The following SUMF1 variants were observed in gnomAD, a reference collection of about 807,000 sequenced individuals.
SUMF1 encodes sulfatase modifying factor 1.
SUMF1 carries 48 observed loss-of-function variants against 47.6 expected under a neutral mutation model. The observed-to-expected ratio is 1.01, with a 90% CI of 0.80 to 1.28. The LOEUF (loss-of-function observed/expected upper bound fraction) is 1.28, where lower values mean the gene tolerates loss of function less well. Among genes scored for constraint, SUMF1 ranks in the 50% most tolerant of loss-of-function variants. The pLI, the probability that SUMF1 is intolerant of heterozygous loss-of-function variation, is 0.00. For missense variants in SUMF1, 571 were observed against 485.4 expected (o/e 1.18, Z -1.66); for synonymous variants, 230 against 192.1 (o/e 1.20, Z -1.63).
At chr3:4,326,072 T>C (rs1408232538) in intron 8 of SUMF1, among the ~76,000 whole-genome samples, 1 of 152,188 alleles carries the variant, frequency 6.6e-6, no homozygotes, top group Non-Finnish European at 1.5e-5. Context: ...TCCTCCCACT[T>C]TGGCCTCCCA....
chr3:4,331,921 A>C (rs1057086681), intron 8 of SUMF1, among the ~76,000 whole-genome samples: 2 of 152,248 alleles, frequency 1.3e-5, no homozygotes, highest in Non-Finnish European at 2.9e-5. Context: ...TTTATGCCTT[A>C]AAACATCTGG....
At chr3:4,176,278 C>A (rs1460063698) in intron 8 of SUMF1, among the ~76,000 whole-genome samples, 1 of 152,132 alleles carries the variant, frequency 6.6e-6, no homozygotes, top group Non-Finnish European at 1.5e-5. Context: ...GTATTAAGGG[C>A]AGCCAGAGAG....
intron 8 of SUMF1, among the ~76,000 whole-genome samples, chr3:4,297,221 C>CT (rs34267693): frequency 0.39 from 59,095 of 151,952 alleles, 11,824 homozygotes; most frequent in Non-Finnish European, 0.43. Flanking sequence ...GAGCCCACCC[C>CT]GTTAGACGGG....
rs1313106680 is a variant in SUMF1, at chr3:4,456,924, GTA to G, written c.271-3877_271-3876del. On this transcript the variant is annotated intron_variant, in intron 1 of 8. Transcript: ENST00000272902. The stretch of plus-strand genomic sequence containing the variant: ...TGTGTATATCTATATACGTGTGTGT[GTA>G]TATATATACGTGTGTGTACATATAT... Among the ~76,000 whole-genome samples the G allele has an allele frequency of 2.6e-4, 29 of 110,244 alleles. 1 individual carries two copies. The highest frequency in any genetic ancestry group is 1.4e-3 in the South Asian group (5 of 3,586). 72.3% of individuals were successfully genotyped at this position (110,244 alleles called of 152,430 possible). A position where few individuals can be genotyped will look rare whatever the true frequency, so the allele number is the denominator to read the frequency against.
chr3:4,407,296 G>T (rs1212735754), intron 7 of SUMF1, among the ~76,000 whole-genome samples: 5 of 152,188 alleles, frequency 3.3e-5, no homozygotes, highest in Non-Finnish European at 4.4e-5. Context: ...TATATTTCCT[G>T]AATAGCCTTT....
chr3:4,103,824 T>C (rs1049563225), intron 8 of SUMF1, among the ~76,000 whole-genome samples: 1 of 152,094 alleles, frequency 6.6e-6, no homozygotes, highest in Non-Finnish European at 1.5e-5. Flanking sequence ...ATCACACAAC[T>C]GGAAACAGCT....
intron 8 of SUMF1, among the ~76,000 whole-genome samples, chr3:4,210,882 A>T (rs1695765009): frequency 6.6e-6 from 1 of 151,728 alleles, no homozygotes; most frequent in South Asian, 2.1e-4. Context: ...TCAGCTGCCA[A>T]TACAGCCAGG....
chr3:4,135,815 T>A (rs998333163), intron 8 of SUMF1, among the ~76,000 whole-genome samples: 4 of 152,146 alleles, frequency 2.6e-5, no homozygotes, highest in African/African-American at 9.7e-5. Context: ...ATCACAAGCA[T>A]TCTTATATAC....
At chr3:4,415,583 C>T (rs1325969426) in intron 6 of SUMF1, among the ~76,000 whole-genome samples, 1 of 152,096 alleles carries the variant, frequency 6.6e-6, no homozygotes, top group African/African-American at 2.4e-5. Context: ...GAGGCTGAGG[C>T]GGGAGGATCG....
chr3:4,240,243 G>A (rs1337913106), intron 8 of SUMF1, among the ~76,000 whole-genome samples: 1 of 151,870 alleles, frequency 6.6e-6, no homozygotes, highest in African/African-American at 2.4e-5. Context: ...TTTTTGTTGT[G>A]TCTCTGCCAG....
chr3:4,444,541 T>C (rs1702714480), intron 3 of SUMF1, among the ~76,000 whole-genome samples: 1 of 152,186 alleles, frequency 6.6e-6, no homozygotes, highest in Non-Finnish European at 1.5e-5. Context: ...TAAAAACCTA[T>C]TCTCAGTAAT....
rs56314495 is a variant in SUMF1, at chr3:4,108,409, G to A, written c.1015-39664C>T. Among the ~76,000 whole-genome samples the A allele has an allele frequency of 7.2e-3, 1,090 of 152,196 alleles. 28 individuals carry two copies. Among genetic ancestry groups the A allele is most frequent in the African/African-American group, 0.025 (1,041 of 41,476 alleles). ...AAGAATGTATATTCTGTTGATTTGG[G>A]GTGGAGAGTTCTGTATATGTCTATT... On this transcript the variant is annotated intron_variant and NMD_transcript_variant, in intron 8 of 12. Transcript: ENST00000448413.
At chr3:4,299,053 A>T (rs566429038) in intron 8 of SUMF1, among the ~76,000 whole-genome samples, 38 of 152,330 alleles carry the variant, frequency 2.5e-4, no homozygotes, top group African/African-American at 8.7e-4. Context: ...ATGTTTCTTA[A>T]TTATACTATA....
intron 8 of SUMF1, among the ~76,000 whole-genome samples, chr3:4,139,598 A>G (rs1694028234): frequency 6.6e-6 from 1 of 151,350 alleles, no homozygotes; most frequent in Non-Finnish European, 1.5e-5. Context: ...ATACACACAC[A>G]CACACATTTC....
intron 8 of SUMF1, among the ~76,000 whole-genome samples, chr3:4,253,942 T>A (rs913783619): frequency 6.6e-6 from 1 of 150,504 alleles, no homozygotes; most frequent in Non-Finnish European, 1.5e-5. Flanking sequence ...CCTCCTCAAG[T>A]GGGTCCCTGA....
chr3:4,428,933 T>G (rs550191694), intron 3 of SUMF1, among the ~76,000 whole-genome samples: 1 of 152,344 alleles, frequency 6.6e-6, no homozygotes, highest in African/African-American at 2.4e-5. Context: ...TTATTGAATA[T>G]TTTTCTATGT....
intron 8 of SUMF1, among the ~76,000 whole-genome samples, chr3:4,180,119 T>G (rs1695059968): frequency 6.6e-6 from 1 of 152,172 alleles, no homozygotes; most frequent in Non-Finnish European, 1.5e-5. Flanking sequence ...GTTCCACCAT[T>G]GTGGAAGACA....
At chr3:4,136,153 A>G (rs1250205575) in intron 8 of SUMF1, among the ~76,000 whole-genome samples, 2 of 152,164 alleles carry the variant, frequency 1.3e-5, no homozygotes, top group South Asian at 2.1e-4. Flanking sequence ...ACCAAAAAAG[A>G]GCCTGCATTG....
At chr3:4,426,342 A>G (rs1702066715) in intron 3 of SUMF1, among the ~76,000 whole-genome samples, 1 of 152,172 alleles carries the variant, frequency 6.6e-6, no homozygotes, top group South Asian at 2.1e-4. Context: ...GTCACCCCAC[A>G]ACTGAGGACT....
Sources: gnomAD v4.1 joint callset for allele counts (sites outside exome capture counted in the v4.1 genomes callset) on GRCh38, gnomAD v4.1.1 for gene constraint, MANE v1.5 for transcripts, NCBI Gene and HGNC (gene_info 2026-07-23, HGNC 2026-07-21) for gene names.